SPOCK1: variants seen among roughly 807,000 people sequenced by gnomAD.
The protein encoded by SPOCK1 is testican-1.
SPOCK1 carries 23 observed loss-of-function variants against 55.3 expected under a neutral mutation model. The observed-to-expected ratio is 0.42, with a 90% CI of 0.30 to 0.59. SPOCK1 has a LOEUF of 0.59. Among genes scored for constraint, SPOCK1 ranks in the 20% least tolerant of loss-of-function variants. SPOCK1 has a pLI of 0.22. For synonymous variants in SPOCK1, 226 were observed against 221.0 expected, an observed-to-expected ratio of 1.02 and a Z score of -0.20; for missense variants, 499 against 552.5, an observed-to-expected ratio of 0.90 and a Z score of 0.97.
intron 5 of SPOCK1, among the ~76,000 whole-genome samples, chr5:137,103,830 G>A (rs1561610377): frequency 6.6e-6 from 1 of 152,148 alleles, no homozygotes; most frequent in Admixed American, 6.5e-5. Context: ...TAATAGTTGA[G>A]GATTTTCACA....
intron 6 of SPOCK1, among the ~76,000 whole-genome samples, chr5:137,000,037 G>A (rs1225853818): frequency 6.6e-6 from 1 of 152,134 alleles, no homozygotes; most frequent in African/African-American, 2.4e-5. Context: ...TGCGATCTCA[G>A]GGCTCTAGCA....
Position 137,402,637 on chromosome 5 carries a change from C to T in SPOCK1, c.186+95736G>A, listed in dbSNP as rs139552566. Among the ~76,000 whole-genome samples the T allele has an allele frequency of 6.0e-3, 907 of 152,294 alleles. 9 individuals are homozygous for T. Among genetic ancestry groups the T allele is most frequent in the African/African-American group, 0.02 (850 of 41,562 alleles). On this transcript the variant is annotated intron_variant, in intron 2 of 10. Coordinates refer to ENST00000394945, the MANE Select transcript of SPOCK1 (RefSeq NM_004598.4). The stretch of plus-strand genomic sequence containing the variant: ...GGGGGTTAGACCTCAACCTGCTCCC[C>T]GCCTTCCCAGAAGGGATATGAAAAC...
chr5:137,212,301 G>C (rs182763022), intron 3 of SPOCK1, among the ~76,000 whole-genome samples: 1 of 152,240 alleles, frequency 6.6e-6, no homozygotes, highest in East Asian at 1.9e-4. Context: ...AGTGTGTTGA[G>C]AGTAGAGAGA....
At chr5:137,070,245 G>C (rs1417258063) in intron 5 of SPOCK1, among the ~76,000 whole-genome samples, 1 of 152,194 alleles carries the variant, frequency 6.6e-6, no homozygotes, top group East Asian at 1.9e-4. Flanking sequence ...GAAGTGTTCT[G>C]AACAGAGCCA....
intron 2 of SPOCK1, among the ~76,000 whole-genome samples, chr5:137,461,992 G>T (rs900531659): frequency 6.6e-6 from 1 of 152,148 alleles, no homozygotes; most frequent in Non-Finnish European, 1.5e-5. Flanking sequence ...CTCATCCAGA[G>T]CCCCAGATAA....
intron 6 of SPOCK1, among the ~76,000 whole-genome samples, chr5:137,064,527 T>C (rs1408813099): frequency 1.3e-5 from 2 of 152,186 alleles, no homozygotes; most frequent in Non-Finnish European, 2.9e-5. Context: ...GGACTGCCTG[T>C]GGACACCATG....
At position 137,112,450 on chromosome 5, in the gene SPOCK1, G is replaced by A; in HGVS notation, c.459C>T (p.His153=). 6.2e-7 allele frequency: 1 copy of A among 1,613,642 alleles called. No homozygotes were observed. The highest frequency in any genetic ancestry group is 1.1e-5 in the South Asian group (1 of 90,986). ...QSAMVCGSDG[H]SYTSKCKLEF... ...GAAAACCAACCTTGGATGTGTAGGAGTGGCCATCTGAGCCGCAGACCATGG... is the reference window on the plus strand; with the variant it reads ...GAAAACCAACCTTGGATGTGTAGGAATGGCCATCTGAGCCGCAGACCATGG... Residue 153 remains histidine (H), a synonymous_variant, in exon 5 of 11, where the codon CAC becomes CAT. Transcript: ENST00000394945.
chr5:137,152,578 A>G (rs1234920479), intron 3 of SPOCK1, among the ~76,000 whole-genome samples: 1 of 152,210 alleles, frequency 6.6e-6, no homozygotes, highest in Non-Finnish European at 1.5e-5. Context: ...GCAGAAAGAA[A>G]GTCATCTTTG....
chr5:137,458,831 T>C (rs938922045), intron 2 of SPOCK1, among the ~76,000 whole-genome samples: 3 of 152,226 alleles, frequency 2.0e-5, no homozygotes, highest in African/African-American at 2.4e-5. Flanking sequence ...TAAAATACTA[T>C]AGAAATACTC....
chr5:137,278,973 G>A (rs1221112480), intron 2 of SPOCK1, among the ~76,000 whole-genome samples: 2 of 152,160 alleles, frequency 1.3e-5, no homozygotes, highest in African/African-American at 4.8e-5. Context: ...CAGGGGGAAT[G>A]CTATTATCTG....
intron 2 of SPOCK1, among the ~76,000 whole-genome samples, chr5:137,487,536 C>A (rs1246802154): frequency 6.6e-6 from 1 of 152,188 alleles, no homozygotes; most frequent in Non-Finnish European, 1.5e-5. Flanking sequence ...ATACCCTTAA[C>A]ACCACTTCAG....
At chr5:137,357,985 GA>G (rs899719873) in intron 2 of SPOCK1, among the ~76,000 whole-genome samples, 1 of 150,930 alleles carries the variant, frequency 6.6e-6, no homozygotes, top group East Asian at 2.0e-4. Context: ...ACACAAATGA[GA>G]AAAAAAAAGA....
chr5:137,136,459 A>C (rs1753987215), intron 4 of SPOCK1, among the ~76,000 whole-genome samples: 1 of 152,208 alleles, frequency 6.6e-6, no homozygotes, highest in African/African-American at 2.4e-5. Context: ...AAATTAACTA[A>C]AGAGGATGTA....
chr5:137,435,839 G>A (rs1752853461), intron 2 of SPOCK1, among the ~76,000 whole-genome samples: 1 of 151,510 alleles, frequency 6.6e-6, no homozygotes, highest in African/African-American at 2.4e-5. Context: ...TAATTTCTTG[G>A]GGGAGTTTTT....
intron 2 of SPOCK1, among the ~76,000 whole-genome samples, chr5:137,422,165 A>C (rs1752513160): frequency 6.6e-6 from 1 of 152,176 alleles, no homozygotes; most frequent in Non-Finnish European, 1.5e-5. Context: ...GCCGAGAGAT[A>C]CGCTGTTAGT....
chr5:137,053,447 T>C (rs981975710), intron 6 of SPOCK1, among the ~76,000 whole-genome samples: 14 of 152,038 alleles, frequency 9.2e-5, no homozygotes, highest in African/African-American at 2.9e-4. Context: ...TGCACCAATA[T>C]TGCCTGTAAA....
intron 3 of SPOCK1, among the ~76,000 whole-genome samples, chr5:137,228,076 G>GA (rs1406814707): frequency 6.6e-6 from 1 of 152,172 alleles, no homozygotes; most frequent in Non-Finnish European, 1.5e-5. Context: ...CTGCAAACAG[G>GA]AATACAGGGC....
chr5:137,472,428 T>C lies in SPOCK1; in HGVS notation c.186+25945A>G, dbSNP rs79233219. ...TAACATTTCACTGAGATCACATGTT[T>C]TTCCTATCAGGACAAAAATCCAAAA... On this transcript the variant is annotated intron_variant, in intron 2 of 10. Coordinates refer to ENST00000394945, the MANE Select transcript of SPOCK1 (RefSeq NM_004598.4). 4.9e-3 allele frequency among the ~76,000 whole-genome samples: 744 copies of C among 152,160 alleles called. 5 individuals carry two copies. Among genetic ancestry groups the C allele is most frequent in the African/African-American group, 0.017 (686 of 41,498 alleles).
intron 2 of SPOCK1, chr5:137,365,018 T>C (rs906126416): frequency 1.3e-5 from 2 of 152,286 alleles, no homozygotes; most frequent in African/African-American, 2.4e-5. Context: ...GGAGGATTCA[T>C]GTCCAAGTGC....
Sources: allele counts gnomAD v4.1 joint callset (sites outside exome capture counted in the v4.1 genomes callset), GRCh38; gene constraint gnomAD v4.1.1; transcripts MANE v1.5; gene names NCBI Gene and HGNC (gene_info 2026-07-23, HGNC 2026-07-21).